The following PIEZO1 variants were observed in gnomAD, a reference collection of about 807,000 sequenced individuals.
The protein encoded by PIEZO1 is piezo-type mechanosensitive ion channel component 1.
A neutral mutation model predicts 297.2 loss-of-function variants in PIEZO1; 296 were observed. The ratio of observed to expected loss-of-function variants is 1.00; its 90% CI spans 0.91 to 1.10. The LOEUF (loss-of-function observed/expected upper bound fraction) is 1.10, where lower values mean the gene tolerates loss of function less well. Ranked by LOEUF, PIEZO1 falls within the 50% of genes least tolerant of loss-of-function variation. PIEZO1 has a pLI of 0.00. For missense variants in PIEZO1, 5,018 were observed against 3,455.5 expected, an observed-to-expected ratio of 1.45 and a Z score of -11.34; for synonymous variants, 2,427 against 1,507.5, an observed-to-expected ratio of 1.61 and a Z score of -14.13.
intron 12 of PIEZO1, among the ~76,000 whole-genome samples, chr16:88,735,815 C>CAGGGGT (rs1567673757): frequency 1.3e-5 from 2 of 152,204 alleles, no homozygotes; most frequent in African/African-American, 4.8e-5. Context: ...CTGTCAGGGG[C>CAGGGGT]GCAGGGGTGG....
chr16:88,744,576 T>C (rs1905915356), intron 2 of PIEZO1, among the ~76,000 whole-genome samples: 1 of 150,164 alleles, frequency 6.7e-6, no homozygotes, highest in South Asian at 2.1e-4. Flanking sequence ...CCACCCGCCT[T>C]GCCCTGCACG....
At chr16:88,721,512 C>G in intron 38 of PIEZO1, 26 bp downstream of exon 38, 1 of 1,542,028 alleles carries the variant, frequency 6.5e-7, no homozygotes, top group Non-Finnish European at 8.8e-7. Context: ...CCCAGCCCCG[C>G]ATTGCCAGCC....
Position 88,721,910 on chromosome 16 carries a change from G to A in PIEZO1, c.5112C>T (p.Ser1704=), listed in dbSNP as rs374215951. 418 of 1,550,196 alleles carry A rather than the reference G, an allele frequency of 2.7e-4. No homozygotes were observed. Among genetic ancestry groups the A allele is most frequent in the Middle Eastern group, 5.0e-4 (3 of 5,992 alleles). Residue 1704 remains serine, a synonymous_variant, in exon 37 of 51, where the codon TCC becomes TCT. Transcript: ENST00000301015. The part of the protein sequence containing the change: ...IIILNHMVTA[S]AGSLVLPVLV... ...GCACGGGCAGCACCAGCGAGCCGGC[G>A]GAGGCCGTGACCATGTGGTTGAGGA...
rs769856703 is a variant in PIEZO1 at position 88,727,673 on chromosome 16, G to T, written c.3197-12C>A. ...GCGCCAGGGATAATCTGGGGGAAGG[G>T]GTGTCATGTCAGGAAGGGCCGGGCC... On this transcript the variant is annotated splice_polypyrimidine_tract_variant and intron_variant, in intron 22 of 50. Transcript: ENST00000301015. 3.9e-5 allele frequency: 55 copies of T among 1,395,806 alleles called. No homozygotes were observed. Among genetic ancestry groups the T allele is most frequent in the Non-Finnish European group, 5.1e-5 (53 of 1,042,584 alleles). The allele number at this position is 1,395,806 out of a possible 1,614,324, so 86.5% of individuals were successfully genotyped here.
Position 88,726,847 on chromosome 16 carries a change from G to C in PIEZO1, c.3567C>G (p.Tyr1189Ter). Residue 1189 changes from tyrosine (Y) to a stop codon, truncating the protein, a stop_gained, in exon 25 of 51, where the codon TAC becomes TAG. Coordinates refer to ENST00000301015, the MANE Select transcript of PIEZO1 (RefSeq NM_001142864.4). LOFTEE classifies it high-confidence loss of function. ...GCAGCAGGTAGAAGCAGGCCAGCAG[G>C]TAGCCCAGCCCGAAGATGCTGATGC... ...ATRISIFGLG[Y>*]LLACFYLLLF... 1 of 1,550,400 alleles carries C rather than the reference G, an allele frequency of 6.4e-7. No individual in the cohort carries two copies. The highest frequency in any genetic ancestry group is 8.7e-7 in the Non-Finnish European group (1 of 1,146,944).
chr16:88,779,553 G>A (rs1907831492), intron 1 of PIEZO1, among the ~76,000 whole-genome samples: 1 of 152,228 alleles, frequency 6.6e-6, no homozygotes, highest in Non-Finnish European at 1.5e-5. Context: ...ACCAGAACTT[G>A]GACTTCTGGC....
intron 21 of PIEZO1, 58 bp downstream of exon 21, chr16:88,732,277 G>T: frequency 1.4e-6 from 2 of 1,435,180 alleles, no homozygotes; most frequent in South Asian, 2.5e-5. Flanking sequence ...CGGTGCAGCC[G>T]TCCCTCCCTC....
Position 88,721,529 on chromosome 16 carries a change from C to CA in PIEZO1, c.5403+8dup, listed in dbSNP as rs1567661465. On this transcript the variant is annotated intron_variant, in intron 38 of 50. Transcript: ENST00000301015. ...CAGCCCCGCATTGCCAGCCAAGGCTCACACTCACCAGCAGCTGGGAGCGGT... is the reference window on the plus strand; with the variant it reads ...CAGCCCCGCATTGCCAGCCAAGGCTCAACACTCACCAGCAGCTGGGAGCGGT... 6.5e-7 allele frequency: 1 copy of CA among 1,547,038 alleles called. No homozygotes were observed. Among genetic ancestry groups the CA allele is most frequent in the Admixed American group, 2.0e-5 (1 of 50,834 alleles).
At position 88,737,967 on chromosome 16, in the gene PIEZO1, C is replaced by A. The variant is rs143682419; in HGVS notation, c.987G>T (p.Leu329=). ...LLLLCYATAS[L]RKLRAYRPSG... ...AGGGGCGGTACGCGCGGAGCTTGCG[C>A]AGAGAGGCCGTGGCGTAGCACAGCA... is the stretch of plus-strand genomic sequence containing the variant. Residue 329 remains leucine (L), a synonymous_variant, in exon 8 of 51, where the codon CTG becomes CTT. Coordinates refer to ENST00000301015, the MANE Select transcript of PIEZO1 (RefSeq NM_001142864.4). The A allele has an allele frequency of 2.7e-5, 41 of 1,533,430 alleles. No homozygotes were observed. In the Admixed American group the frequency reaches 5.5e-4, roughly 21 times the overall value. The allele number at this position is 1,533,430 out of a possible 1,614,324, so 95.0% of individuals were successfully genotyped here.
chr16:88,730,227 C>G (rs1449589721), intron 22 of PIEZO1, among the ~76,000 whole-genome samples: 1 of 152,238 alleles, frequency 6.6e-6, no homozygotes, highest in Non-Finnish European at 1.5e-5. Flanking sequence ...ATTGGGCTCC[C>G]TGGAGCAATG....
Position 88,738,646 on chromosome 16 carries a change from C to T in PIEZO1, c.556G>A (p.Ala186Thr), listed in dbSNP as rs557506953. The change falls in exon 6 of 51, where the codon GCT (alanine) becomes ACT (threonine). Residue 186 changes from alanine to threonine, a missense_variant. Physicochemically the swap from Ala to Thr is moderately conservative, Grantham distance 58 (BLOSUM62 0). Coordinates refer to ENST00000301015, the MANE Select transcript of PIEZO1 (RefSeq NM_001142864.4). ...CAGTGGGCCGTGACTCGGAAACGAG[C>T]GGCCAGCCGTGACCTCCGTGTAGGG... ...LAPTRRSRLA[A>T]RFRVTAHWLL... 7.2e-6 allele frequency: 11 copies of T among 1,535,710 alleles called. No homozygotes were observed. The highest frequency in any genetic ancestry group is 5.5e-5 in the African/African-American group (4 of 73,178).
Position 88,716,277 on chromosome 16 carries a change from C to A in PIEZO1, c.7050G>T (p.Val2350=). Residue 2350 remains valine, a splice_region_variant and synonymous_variant, in exon 49 of 51, where the codon GTG becomes GTT. Coordinates refer to ENST00000301015, the MANE Select transcript of PIEZO1 (RefSeq NM_001142864.4). ...SLLEGTSDQS[V]VIPNLFPKYI... ...ACTTGGGGAAGAGATTAGGGATGAC[C>A]CTGCAGGGAGGTGCTGGCAGGTCAG... The A allele has an allele frequency of 6.7e-7, 1 of 1,489,754 alleles. No homozygotes were observed. Among genetic ancestry groups the A allele is most frequent in the African/African-American group, 1.4e-5 (1 of 71,676 alleles). 92.3% of individuals were successfully genotyped at this position (1,489,754 alleles called of 1,614,324 possible).
rs981866407 is a variant in PIEZO1, at chr16:88,720,272, C to T, written c.5961G>A (p.Ala1987=). 2.1e-5 allele frequency: 32 copies of T among 1,550,266 alleles called. No homozygotes were observed. Among genetic ancestry groups the T allele is most frequent in the Admixed American group, 1.4e-4 (7 of 50,982 alleles). Residue 1987 remains alanine, a synonymous_variant, in exon 42 of 51, where the codon GCG becomes GCA. Coordinates refer to ENST00000301015, the MANE Select transcript of PIEZO1 (RefSeq NM_001142864.4). The part of the protein sequence containing the change: ...FGFWAFGKHS[A]ATDITSSLSD... ...ATAGGGAGGACGTGATGTCTGTGGC[C>T]GCCGAGTGCTTCTGTGGCCAGGAGA...
intron 2 of PIEZO1, among the ~76,000 whole-genome samples, chr16:88,748,755 G>C (rs893656992): frequency 6.6e-6 from 1 of 152,046 alleles, no homozygotes; most frequent in East Asian, 1.9e-4. Flanking sequence ...AGCTTAGCTT[G>C]GGGTCTACAA....
chr16:88,762,072 G>C (rs1044365495), intron 1 of PIEZO1, among the ~76,000 whole-genome samples: 15 of 152,206 alleles, frequency 9.9e-5, no homozygotes, highest in African/African-American at 3.6e-4. Flanking sequence ...GGGGACAGTG[G>C]GTAGAGGGTG....
At position 88,725,524 on chromosome 16, in the gene PIEZO1, G is replaced by C; in HGVS notation, c.4059-5C>G. 1 of 1,535,552 alleles carries C rather than the reference G, an allele frequency of 6.5e-7. No individual in the cohort carries two copies. Among genetic ancestry groups the C allele is most frequent in the Non-Finnish European group, 8.8e-7 (1 of 1,137,050 alleles). The stretch of plus-strand genomic sequence containing the variant: ...TTGGCACGGATACGCTCCATCCTGT[G>C]GTGGGGAAAGGTGGGGTATGCTGAG... On this transcript the variant is annotated splice_region_variant and splice_polypyrimidine_tract_variant and intron_variant, in intron 28 of 50. Coordinates refer to ENST00000301015, the MANE Select transcript of PIEZO1 (RefSeq NM_001142864.4).
intron 1 of PIEZO1, among the ~76,000 whole-genome samples, chr16:88,760,663 C>G (rs1337398760): frequency 3.3e-5 from 5 of 151,390 alleles, no homozygotes; most frequent in Admixed American, 3.3e-4. Flanking sequence ...CAGCAGCACC[C>G]AGGAAGCCCA....
intron 4 of PIEZO1, 54 bp downstream of exon 4, chr16:88,741,999 G>T: frequency 6.6e-7 from 1 of 1,519,306 alleles, no homozygotes; most frequent in Non-Finnish European, 8.8e-7. Flanking sequence ...ACTTCCTGGG[G>T]CCTGAAATCC....
intron 1 of PIEZO1, among the ~76,000 whole-genome samples, chr16:88,769,742 CACA>C (rs1017336315): frequency 6.7e-6 from 1 of 150,358 alleles, no homozygotes; most frequent in African/African-American, 2.4e-5. Flanking sequence ...GAGGCTCAAA[CACA>C]ACATGTAGCT....
Sources: gnomAD v4.1 joint callset for allele counts (sites outside exome capture counted in the v4.1 genomes callset) on GRCh38, gnomAD v4.1.1 for gene constraint, MANE v1.5 for transcripts, NCBI Gene and HGNC (gene_info 2026-07-23, HGNC 2026-07-21) for gene names.